SDAD1: variants seen among roughly 807,000 people sequenced by gnomAD.
The protein encoded by SDAD1 is protein SDA1 homolog.
In SDAD1, 79 loss-of-function variants were observed where a neutral mutation model predicts 100.3. That is an observed-to-expected ratio of 0.79 (90% CI 0.66 to 0.95). SDAD1 has a LOEUF of 0.95. Ranked by LOEUF, SDAD1 falls within the 40% of genes least tolerant of loss-of-function variation. The probability of loss-of-function intolerance (pLI) is 0.00; values close to 1 mark genes in which losing one functional copy is unlikely to be tolerated. For missense variants in SDAD1, 790 were observed against 810.9 expected, an observed-to-expected ratio of 0.97 and a Z score of 0.31; for synonymous variants, 267 against 271.4, an observed-to-expected ratio of 0.98 and a Z score of 0.16.
chr4:75,959,116 A>AAAAC (rs1729081620), intron 17 of SDAD1, among the ~76,000 whole-genome samples: 1 of 145,250 alleles, frequency 6.9e-6, no homozygotes, highest in African/African-American at 2.6e-5. Flanking sequence ...AAAAAAAAAA[A>AAAAC]AAAAAAAAAA....
At chr4:75,981,700 A>C (rs1455806509) in intron 2 of SDAD1, among the ~76,000 whole-genome samples, 1 of 152,180 alleles carries the variant, frequency 6.6e-6, no homozygotes. Context: ...TTTATGATGA[A>C]TTTGAAGAAA....
intron 3 of SDAD1, among the ~76,000 whole-genome samples, chr4:75,979,878 T>A (rs1231672231): frequency 6.6e-6 from 1 of 152,146 alleles, no homozygotes; most frequent in African/African-American, 2.4e-5. Context: ...TTGCCTAGGC[T>A]GCAGTGTAGT....
intron 1 of SDAD1, among the ~76,000 whole-genome samples, chr4:75,982,509 G>A (rs1730595456): frequency 6.6e-6 from 1 of 152,070 alleles, no homozygotes; most frequent in Non-Finnish European, 1.5e-5. Context: ...TTAGCAGGGT[G>A]TGGTGGCGTG....
chr4:75,968,638 G>T (rs1729686533), intron 11 of SDAD1, among the ~76,000 whole-genome samples: 1 of 152,132 alleles, frequency 6.6e-6, no homozygotes, highest in South Asian at 2.1e-4. Flanking sequence ...GCCAAGAAGA[G>T]TTAAACAAAC....
chr4:75,969,030 C>CAAAAAA (rs35570189), intron 11 of SDAD1, among the ~76,000 whole-genome samples: 5 of 64,012 alleles, frequency 7.8e-5, no homozygotes, highest in African/African-American at 1.5e-4. Flanking sequence ...GACTCTGTCT[C>CAAAAAA]AAAAAAAAAA....
At chr4:75,986,705 A>T (rs2149333699) in intron 1 of SDAD1, among the ~76,000 whole-genome samples, 1 of 152,144 alleles carries the variant, frequency 6.6e-6, no homozygotes, top group Middle Eastern at 3.4e-3. Context: ...GCCATCTTAA[A>T]AACAAAACAA....
At chr4:75,970,580 A>G (rs749319627) in intron 9 of SDAD1, among the ~76,000 whole-genome samples, 15 of 152,384 alleles carry the variant, frequency 9.8e-5, no homozygotes, top group Non-Finnish European at 1.9e-4. Flanking sequence ...TCCAACCATT[A>G]GCACCTATGA....
At chr4:75,981,533 C>A (rs1404334254) in intron 2 of SDAD1, 63 bp from the exon 3 acceptor site, 4 of 1,605,848 alleles carry the variant, frequency 2.5e-6, no homozygotes, top group Non-Finnish European at 3.4e-6. Context: ...CAGATGCATA[C>A]ATTTAGGATG....
chr4:75,971,492 A>G (rs1729865866), intron 8 of SDAD1, 34 bp from the exon 9 acceptor site: 1 of 1,469,226 alleles, frequency 6.8e-7, no homozygotes, highest in Non-Finnish European at 9.5e-7. Flanking sequence ...AATTGTAAAC[A>G]AGGAAAATCT....
At chr4:75,973,249 G>T in intron 8 of SDAD1, 68 bp downstream of exon 8, 2 of 1,286,864 alleles carry the variant, frequency 1.6e-6, no homozygotes, top group South Asian at 1.2e-5. Context: ...AGCAGTCATA[G>T]ACTTTACAAT....
intron 9 of SDAD1, among the ~76,000 whole-genome samples, chr4:75,970,836 A>T (rs1021093699): frequency 6.6e-6 from 1 of 152,158 alleles, no homozygotes; most frequent in Non-Finnish European, 1.5e-5. Context: ...TCCTGCCACC[A>T]TGTAAGACAT....
At chr4:75,981,142 G>A (rs1306055603) in intron 3 of SDAD1, among the ~76,000 whole-genome samples, 3 of 152,202 alleles carry the variant, frequency 2.0e-5, no homozygotes, top group Admixed American at 6.5e-5. Flanking sequence ...TATGATATCA[G>A]AAACACAGGC....
intron 4 of SDAD1, among the ~76,000 whole-genome samples, 181 bp downstream of exon 4, chr4:75,977,465 T>G (rs1330770254): frequency 1.3e-5 from 2 of 152,158 alleles, no homozygotes; most frequent in Admixed American, 6.5e-5. Flanking sequence ...CTGAGAATGG[T>G]GCCTGGCACA....
intron 8 of SDAD1, 145 bp downstream of exon 8, chr4:75,973,171 TA>T: frequency 1.7e-6 from 1 of 584,490 alleles, no homozygotes; most frequent in Non-Finnish European, 3.0e-6. Context: ...AAATTCCAAG[TA>T]GAGTAAAATA....
chr4:75,967,272 C>A lies in SDAD1; in HGVS notation c.1045+5G>T. On this transcript the variant is annotated splice_donor_5th_base_variant and intron_variant, in intron 12 of 21. Transcript: ENST00000356260. ...ACCAAAGAAACATGGCAAGTGGCAGCTTACCTCTTTGGTGGGGCTGCAGAA... is the reference window on the plus strand; with the variant it reads ...ACCAAAGAAACATGGCAAGTGGCAGATTACCTCTTTGGTGGGGCTGCAGAA... The A allele has an allele frequency of 1.9e-6, 3 of 1,613,884 alleles. No individual in the cohort carries two copies. Among genetic ancestry groups the A allele is most frequent in the Non-Finnish European group, 2.5e-6 (3 of 1,179,808 alleles).
chr4:75,971,874 T>C (rs1027606996), intron 8 of SDAD1, among the ~76,000 whole-genome samples: 4 of 151,148 alleles, frequency 2.6e-5, no homozygotes, highest in Admixed American at 2.0e-4. Context: ...AAAAGAAAAT[T>C]AGGTGGAAAA....
chr4:75,990,576 G>T, intron 1 of SDAD1, 176 bp downstream of exon 1: 1 of 1,366,398 alleles, frequency 7.3e-7, no homozygotes, highest in Non-Finnish European at 1.0e-6. Flanking sequence ...AAGAGGTGGG[G>T]AACGAACCCT....
intron 1 of SDAD1, among the ~76,000 whole-genome samples, chr4:75,986,708 C>A (rs1312795822): frequency 6.6e-6 from 1 of 152,018 alleles, no homozygotes; most frequent in Non-Finnish European, 1.5e-5. Flanking sequence ...ATCTTAAAAA[C>A]AAAACAAAAC....
At chr4:75,959,097 C>CAAAAAAAAAAA (rs61245198) in intron 17 of SDAD1, among the ~76,000 whole-genome samples, 13 of 54,980 alleles carry the variant, frequency 2.4e-4, no homozygotes, top group African/African-American at 3.3e-4. Context: ...GACTCTGTCT[C>CAAAAAAAAAAA]AAAAAAAAAA....
Sources: allele counts gnomAD v4.1 joint callset (sites outside exome capture counted in the v4.1 genomes callset), GRCh38; gene constraint gnomAD v4.1.1; transcripts MANE v1.5; gene names NCBI Gene and HGNC (gene_info 2026-07-23, HGNC 2026-07-21).